Variants in CDH4 observed in about 807,000 individuals in gnomAD.
The protein encoded by CDH4 is cadherin 4.
In CDH4, 33 loss-of-function variants were observed where a neutral mutation model predicts 86.0. That is an observed-to-expected ratio of 0.38 (90% CI 0.29 to 0.51). CDH4 has a LOEUF of 0.51. Ranked by LOEUF, CDH4 falls within the 20% of genes least tolerant of loss-of-function variation. CDH4 has a pLI of 0.86. For missense variants in CDH4, 1,114 were observed against 1,307.4 expected (o/e 0.85, Z 2.28); for synonymous variants, 555 against 549.4 (o/e 1.01, Z -0.14).
chr20:61,457,805 G>A (rs1052004541), intron 2 of CDH4, among the ~76,000 whole-genome samples: 2 of 151,730 alleles, frequency 1.3e-5, no homozygotes, highest in Middle Eastern at 6.9e-3. Flanking sequence ...TGATGCTGGT[G>A]GTGGCGGTGA....
chr20:61,671,133 A>C (rs996918611), intron 2 of CDH4, among the ~76,000 whole-genome samples: 1 of 142,728 alleles, frequency 7.0e-6, no homozygotes, highest in African/African-American at 3.0e-5. Context: ...GGGTGGATGC[A>C]TGATGGTTGG....
intron 2 of CDH4, among the ~76,000 whole-genome samples, chr20:61,314,960 A>G (rs1013895203): frequency 6.6e-6 from 1 of 152,082 alleles, no homozygotes; most frequent in African/African-American, 2.4e-5. Context: ...TCCTCTGCTA[A>G]TTTTTTTATT....
rs1323485801 is a variant in CDH4, at chr20:61,703,965, G to C, written c.170-39598G>C. Among the ~76,000 whole-genome samples the C allele has an allele frequency of 6.6e-6, 1 of 152,132 alleles. No homozygotes were observed. The highest frequency in any genetic ancestry group is 2.4e-5 in the African/African-American group (1 of 41,436). On this transcript the variant is annotated intron_variant, in intron 2 of 15. Coordinates refer to ENST00000614565, the MANE Select transcript of CDH4 (RefSeq NM_001794.5). This position sits in a 1 kb window ranked among gnomAD's most constrained non-coding sequence, Gnocchi z 4.3. ...AGAGGCAGGGGTGTGGTTGGGATGA[G>C]GGTGGCAGAGTCACAGCCGCTGGGA...
In CDH4 at chr20:61,929,618, C is replaced by T; in HGVS notation, c.2015C>T (p.Ala672Val). Residue 672 changes from alanine (A) to valine (V), a missense_variant, in exon 13 of 16, where the codon GCC becomes GTC. Ala to Val is a moderately conservative substitution (Grantham distance 64). This residue lies in a region of CDH4 where 705 missense variants were observed against 914.1 expected (regional missense o/e 0.77). Transcript: ENST00000614565. The stretch of plus-strand genomic sequence containing the variant: ...TGTTGCTTTGCACCAGGTGACTATG[C>T]CCAACTCAGCTTGCGCATCCTGTAC... ...WTITRLNGDY[A>V]QLSLRILYLE... The T allele has an allele frequency of 6.2e-7, 1 of 1,613,562 alleles. No homozygotes were observed. The highest frequency in any genetic ancestry group is 8.5e-7 in the Non-Finnish European group (1 of 1,179,708).
chr20:61,634,002 T>A (rs2086921767), intron 2 of CDH4, among the ~76,000 whole-genome samples: 1 of 152,180 alleles, frequency 6.6e-6, no homozygotes, highest in African/African-American at 2.4e-5. Context: ...TCAAGGCGGG[T>A]TCTGCTTCTC....
intron 13 of CDH4, among the ~76,000 whole-genome samples, chr20:61,931,390 C>T (rs1371840582): frequency 2.6e-5 from 4 of 152,202 alleles, no homozygotes; most frequent in Non-Finnish European, 4.4e-5. Flanking sequence ...AGGGCGATGC[C>T]GCCAATACCC....
intron 2 of CDH4, among the ~76,000 whole-genome samples, chr20:61,606,631 G>A (rs1419211123): frequency 6.6e-6 from 1 of 152,248 alleles, no homozygotes; most frequent in East Asian, 1.9e-4. Context: ...CTCCTGGTGT[G>A]GCCTCAGTGG....
chr20:61,488,534 G>A (rs1374341503), intron 2 of CDH4, among the ~76,000 whole-genome samples: 2 of 152,122 alleles, frequency 1.3e-5, no homozygotes, highest in Non-Finnish European at 2.9e-5. Context: ...GGGCTGATTT[G>A]TCTTAAATTG....
intron 4 of CDH4, among the ~76,000 whole-genome samples, chr20:61,836,510 C>G (rs1018902403): frequency 3.3e-5 from 5 of 152,224 alleles, no homozygotes; most frequent in African/African-American, 9.6e-5. Flanking sequence ...CAAATGACTT[C>G]TCACTTCACA....
chr20:61,327,024 T>C (rs2084540491), intron 2 of CDH4, among the ~76,000 whole-genome samples: 1 of 152,168 alleles, frequency 6.6e-6, no homozygotes, highest in South Asian at 2.1e-4. Context: ...CAGGCAAGAT[T>C]ACCCCTTACT....
intron 2 of CDH4, among the ~76,000 whole-genome samples, chr20:61,531,559 C>T (rs910029363): frequency 1.3e-5 from 2 of 151,604 alleles, no homozygotes; most frequent in Admixed American, 6.6e-5. Flanking sequence ...ATGAAAGAGC[C>T]GAAATGTGTG....
At position 61,565,177 on chromosome 20, in the gene CDH4, GGTGGTGGTGGTCCTCTTGGTGGTGGTC is replaced by G. The variant is rs1397059009; in HGVS notation, c.170-178384_170-178358del. Among the ~76,000 whole-genome samples, 32 of 96,374 alleles carry G rather than the reference GGTGGTGGTGGTCCTCTTGGTGGTGGTC, an allele frequency of 3.3e-4. 2 individuals are homozygous for G. Among genetic ancestry groups the G allele is most frequent in the Non-Finnish European group, 6.0e-4 (28 of 46,324 alleles). The allele number at this position is 96,374 out of a possible 152,430, so 63.2% of individuals were successfully genotyped here. A position where few individuals can be genotyped will look rare whatever the true frequency, so the allele number is the denominator to read the frequency against. ...GTGGTCCTCTTGGTGATGGGGTGGT[GGTGGTGGTGGTCCTCTTGGTGGTGGTC>G]GCGGTGCTCTCGGTGGTAGGTGGTG... On this transcript the variant is annotated intron_variant, in intron 2 of 15. Transcript: ENST00000614565.
chr20:61,921,087 TTG>T (rs1568888815), intron 9 of CDH4, among the ~76,000 whole-genome samples: 1 of 141,574 alleles, frequency 7.1e-6, no homozygotes, highest in Non-Finnish European at 1.5e-5. Flanking sequence ...CATGGAAGCA[TTG>T]TGTCACAGTA....
At chr20:61,934,937 C>A (rs4925320) in intron 15 of CDH4, among the ~76,000 whole-genome samples, 29,607 of 152,284 alleles carry the variant, frequency 0.19, 3,345 homozygotes, top group Middle Eastern at 0.28. Context: ...GTCGCCAGGG[C>A]AACACTCAGT....
In CDH4 at chr20:61,393,269, G is replaced by C. The variant is rs537679280; in HGVS notation, c.169+138332G>C. Among the ~76,000 whole-genome samples the C allele has an allele frequency of 1.8e-4, 28 of 152,218 alleles. No homozygotes were observed. In the East Asian group the frequency reaches 5.0e-3, roughly 27 times the overall value. On this transcript the variant is annotated intron_variant, in intron 2 of 15. Transcript: ENST00000614565. This position sits in a 1 kb window ranked among gnomAD's most constrained non-coding sequence, Gnocchi z 4.3. The stretch of plus-strand genomic sequence containing the variant: ...TCCCTCCAACAAGAGGCCATCTCAC[G>C]GGCGAGCCCACACACCTGGAGAGAA...
intron 2 of CDH4, among the ~76,000 whole-genome samples, chr20:61,622,601 A>G (rs1405881246): frequency 2.6e-5 from 4 of 152,234 alleles, no homozygotes; most frequent in African/African-American, 9.6e-5. Flanking sequence ...CTTGCTACGG[A>G]AGACTCACCT....
At chr20:61,387,889 G>T (rs2084961194) in intron 2 of CDH4, among the ~76,000 whole-genome samples, 1 of 135,478 alleles carries the variant, frequency 7.4e-6, no homozygotes, top group South Asian at 2.6e-4. Flanking sequence ...CTCCACTGCC[G>T]CCCAGATCCA....
At chr20:61,933,209 T>G in intron 14 of CDH4, 85 bp downstream of exon 14, 198 of 1,497,670 alleles carry the variant, frequency 1.3e-4, no homozygotes, top group Middle Eastern at 2.3e-4. Context: ...CCCTGGGGTT[T>G]AACAGTAAGA....
intron 2 of CDH4, among the ~76,000 whole-genome samples, chr20:61,530,349 G>A (rs2085942685): frequency 6.6e-6 from 1 of 152,070 alleles, no homozygotes; most frequent in Admixed American, 6.5e-5. Context: ...TTTGATCTTA[G>A]CTGTTATGGC....
Sources: gnomAD v4.1 joint callset for allele counts (sites outside exome capture counted in the v4.1 genomes callset) on GRCh38, gnomAD v4.1.1 for gene constraint, gnomAD v4.1.1 regional missense constraint, Gnocchi (gnomAD v3.1) non-coding constraint, MANE v1.5 for transcripts, NCBI Gene and HGNC (gene_info 2026-07-23, HGNC 2026-07-21) for gene names.